Variants in RRM2 observed in about 807,000 individuals in gnomAD.
The protein encoded by RRM2 is ribonucleoside-diphosphate reductase subunit M2.
A neutral mutation model predicts 45.9 loss-of-function variants in RRM2; 6 were observed. The ratio of observed to expected loss-of-function variants is 0.13; its 90% CI spans 0.07 to 0.26. The LOEUF (loss-of-function observed/expected upper bound fraction) is 0.26, where lower values mean the gene tolerates loss of function less well. Among genes scored for constraint, RRM2 ranks in the 10% least tolerant of loss-of-function variants. The pLI, the probability that RRM2 is intolerant of heterozygous loss-of-function variation, is 1.00. For synonymous variants in RRM2, 177 were observed against 173.0 expected, an observed-to-expected ratio of 1.02 and a Z score of -0.18; for missense variants, 343 against 489.5, an observed-to-expected ratio of 0.70 and a Z score of 2.82.
chr2:10,176,167 G>A (rs532623542), intron 3 of RRM2, among the ~76,000 whole-genome samples: 2 of 152,314 alleles, frequency 1.3e-5, no homozygotes, highest in South Asian at 2.1e-4. Context: ...TAATGCTGCT[G>A]TGAACATGTG....
At chr2:10,124,326 G>C (rs914994251) in intron 4 of RRM2, among the ~76,000 whole-genome samples, 1 of 152,198 alleles carries the variant, frequency 6.6e-6, no homozygotes, top group East Asian at 1.9e-4. Context: ...GGCTGGTCTC[G>C]AACTGCTGAC....
chr2:10,210,571 A>G, exon 4 of RRM2: 1 of 1,366,220 alleles, frequency 7.3e-7, no homozygotes. Flanking sequence ...TGGACCCACC[A>G]TTCTCAGACC....
chr2:10,157,186 G>A (rs1390873192), intron 3 of RRM2, among the ~76,000 whole-genome samples: 1 of 151,800 alleles, frequency 6.6e-6, no homozygotes, highest in Non-Finnish European at 1.5e-5. Flanking sequence ...CCGCCACCGC[G>A]CCCGGCTAAT....
At chr2:10,179,070 T>G (rs1480536693) in intron 3 of RRM2, among the ~76,000 whole-genome samples, 1 of 152,134 alleles carries the variant, frequency 6.6e-6, no homozygotes, top group Non-Finnish European at 1.5e-5. Flanking sequence ...ACTAAGACAC[T>G]GTGTACCGAT....
chr2:10,124,031 C>G (rs1662728583), intron 4 of RRM2, 179 bp downstream of exon 4: 1 of 620,260 alleles, frequency 1.6e-6, no homozygotes, highest in South Asian at 1.9e-5. Flanking sequence ...ATGGTATTTT[C>G]CCGACTCTAG....
At chr2:10,140,736 G>T (rs560366001), upstream of RRM2, among the ~76,000 whole-genome samples, 1 of 152,210 alleles carries the variant, frequency 6.6e-6, no homozygotes, top group South Asian at 2.1e-4. Context: ...AGAGAGGAAG[G>T]TGTCCCACGT....
intron 3 of RRM2, chr2:10,142,484 C>T: frequency 1.8e-6 from 2 of 1,129,788 alleles, no homozygotes; most frequent in South Asian, 1.3e-5. Flanking sequence ...GGCCCCCACG[C>T]ACCCCTGCCA....
At chr2:10,134,071 C>T (rs974607128), downstream of RRM2, among the ~76,000 whole-genome samples, 4 of 148,856 alleles carry the variant, frequency 2.7e-5, no homozygotes, top group Non-Finnish European at 3.0e-5. Flanking sequence ...CCCATTACTC[C>T]GGAGGCTGAG....
chr2:10,154,610 A>G (rs1249380159), intron 3 of RRM2, among the ~76,000 whole-genome samples: 1 of 151,638 alleles, frequency 6.6e-6, no homozygotes, highest in Non-Finnish European at 1.5e-5. Context: ...GTGGGAAGAA[A>G]GGAGGAGGAC....
At chr2:10,166,282 A>G (rs578180992) in intron 3 of RRM2, among the ~76,000 whole-genome samples, 13 of 152,356 alleles carry the variant, frequency 8.5e-5, no homozygotes, top group South Asian at 2.1e-4. Flanking sequence ...AGTGAAGTCC[A>G]GAGACCAGAG....
At chr2:10,142,198 G>A (rs1663097908) in intron 2 of RRM2, 3 of 1,566,274 alleles carry the variant, frequency 1.9e-6, no homozygotes, top group Admixed American at 3.4e-5. Context: ...TCAGTGGAGT[G>A]GGTGTGTACA....
rs202052437 is a variant in RRM2 at position 10,124,686 on chromosome 2, C to G, written c.436-31C>G. 122 of 1,610,118 alleles carry G rather than the reference C, an allele frequency of 7.6e-5. No individual in the cohort carries two copies. The Middle Eastern group carries it at 1.3e-3, about 18-fold the overall frequency. ...ACAGTTGCTGCTGTTGGTTTTTTCT[C>G]AAGCTTAACTTTGATGTGTTTTGCC... On this transcript the variant is annotated intron_variant, in intron 4 of 9. Transcript: ENST00000304567.
chr2:10,163,831 A>C (rs1290623860), intron 3 of RRM2, among the ~76,000 whole-genome samples: 2 of 152,230 alleles, frequency 1.3e-5, no homozygotes, highest in Non-Finnish European at 2.9e-5. Context: ...GAGTAGTGGA[A>C]GTGCAAACCT....
In RRM2 at chr2:10,204,339, C is replaced by T. The variant is rs6741014; in HGVS notation, n.483-5972C>T. Among the ~76,000 whole-genome samples the T allele has an allele frequency of 0.4, 61,259 of 151,942 alleles. 13,143 individuals are homozygous for T. The highest frequency in any genetic ancestry group is 0.56 in the East Asian group (2,884 of 5,140). On this transcript the variant is annotated intron_variant and non_coding_transcript_variant, in intron 3 of 3. Transcript: ENST00000381786. This position sits in a 1 kb window ranked among gnomAD's most constrained non-coding sequence, Gnocchi z 4.0. ...GATGCTGGGCGAGTGTTAAAGGATA[C>T]CTAGGCATCAGCTAGGTGAAGAGAG...
exon 4 of RRM2, chr2:10,210,999 T>C (rs1253154499): frequency 5.5e-6 from 1 of 181,212 alleles, no homozygotes; most frequent in African/African-American, 2.4e-5. Flanking sequence ...TTCTGTTGTT[T>C]AAGGCACTCA....
At chr2:10,197,818 C>T (rs1041548219) in intron 3 of RRM2, among the ~76,000 whole-genome samples, 1 of 152,180 alleles carries the variant, frequency 6.6e-6, no homozygotes, top group Non-Finnish European at 1.5e-5. Flanking sequence ...CCCAGCAGAG[C>T]CTTTGCCATA....
intron 3 of RRM2, among the ~76,000 whole-genome samples, chr2:10,173,328 C>G (rs932613343): frequency 1.3e-5 from 2 of 152,202 alleles, no homozygotes; most frequent in Non-Finnish European, 2.9e-5. Flanking sequence ...CCTTAGTCCC[C>G]TTTCTCCCCC....
intron 4 of RRM2, 131 bp from the exon 5 acceptor site, chr2:10,124,586 G>A: frequency 8.1e-6 from 8 of 982,780 alleles, no homozygotes; most frequent in Non-Finnish European, 1.2e-5. Context: ...AAAGAATTGT[G>A]ACAAATTGGA....
chr2:10,210,641 C>G (rs770246640), exon 4 of RRM2: 1 of 1,343,582 alleles, frequency 7.4e-7, no homozygotes. Context: ...GCCTCTCATG[C>G]CGGAGTGGGG....
Sources: gnomAD v4.1 joint callset for allele counts (sites outside exome capture counted in the v4.1 genomes callset) on GRCh38, gnomAD v4.1.1 for gene constraint, Gnocchi (gnomAD v3.1) non-coding constraint, MANE v1.5 for transcripts, NCBI Gene and HGNC (gene_info 2026-07-23, HGNC 2026-07-21) for gene names.